Variants in TMEM163 observed in about 807,000 individuals in gnomAD.
TMEM163 encodes the protein transmembrane protein 163.
A neutral mutation model predicts 29.3 loss-of-function variants in TMEM163; 17 were observed. The observed-to-expected ratio is 0.58, with a 90% confidence interval of 0.40 to 0.87. The LOEUF is 0.87. Ranked by LOEUF, TMEM163 falls within the 40% of genes least tolerant of loss-of-function variation. The pLI, the probability that TMEM163 is intolerant of heterozygous loss-of-function variation, is 0.00. For missense variants in TMEM163, 303 were observed against 381.5 expected (o/e 0.79, Z 1.71); for synonymous variants, 157 against 160.6 (o/e 0.98, Z 0.17).
chr2:134,587,068 G>GA (rs11384847), intron 2 of TMEM163, among the ~76,000 whole-genome samples: 67,846 of 150,556 alleles, frequency 0.45, 16,111 homozygotes, highest in East Asian at 0.77. Context: ...TTAAAGTCCT[G>GA]AAAAAAAAAT....
chr2:134,648,620 G>A (rs756654470), intron 2 of TMEM163, among the ~76,000 whole-genome samples: 1 of 152,140 alleles, frequency 6.6e-6, no homozygotes, highest in Non-Finnish European at 1.5e-5. Flanking sequence ...TGGCAACAAC[G>A]AAAGATTGTT....
At chr2:134,466,072 T>G in intron 6 of TMEM163, 42 bp downstream of exon 6, 2 of 1,448,630 alleles carry the variant, frequency 1.4e-6, no homozygotes, top group Non-Finnish European at 1.9e-6. Flanking sequence ...TCCTCCACTG[T>G]GAGCCCAGCC....
intron 2 of TMEM163, among the ~76,000 whole-genome samples, chr2:134,682,668 C>A (rs1684271828): frequency 6.6e-6 from 1 of 152,326 alleles, no homozygotes; most frequent in Admixed American, 6.5e-5. Flanking sequence ...GGTGGAGCGA[C>A]AGGAACCCTC....
In TMEM163 at chr2:134,702,896, T is replaced by C. The variant is rs367655740; in HGVS notation, c.322+10304A>G. Among the ~76,000 whole-genome samples the C allele has an allele frequency of 5.3e-5, 8 of 152,258 alleles. No individual in the cohort carries two copies. In the East Asian group the frequency reaches 9.7e-4, roughly 18 times the overall value. On this transcript the variant is annotated intron_variant, in intron 2 of 7. Coordinates refer to ENST00000281924, the MANE Select transcript of TMEM163 (RefSeq NM_030923.5). ...ACAGCCCCCACCACAGCAGGTCCCA[T>C]GCAAAGGTGTAAGTTTCAGAAGATC...
chr2:134,565,408 C>T (rs990372548), intron 2 of TMEM163, among the ~76,000 whole-genome samples: 8 of 152,068 alleles, frequency 5.3e-5, no homozygotes, highest in African/African-American at 1.9e-4. Flanking sequence ...GAGTTCGAGA[C>T]CAGCCTGGCC....
At chr2:134,509,731 T>C (rs1027786708) in intron 4 of TMEM163, among the ~76,000 whole-genome samples, 5 of 152,132 alleles carry the variant, frequency 3.3e-5, no homozygotes, top group Admixed American at 3.3e-4. Flanking sequence ...GTCCATCACT[T>C]GTGAATGTGA....
chr2:134,519,457 A>AT (rs1343313106), intron 4 of TMEM163, among the ~76,000 whole-genome samples: 2 of 152,178 alleles, frequency 1.3e-5, no homozygotes, highest in Non-Finnish European at 2.9e-5. Flanking sequence ...CACGCCTGTA[A>AT]TCCCAGCACT....
intron 4 of TMEM163, 132 bp from the exon 5 acceptor site, chr2:134,503,129 CA>C (rs1679737071): frequency 2.6e-6 from 2 of 781,940 alleles, no homozygotes; most frequent in Non-Finnish European, 4.2e-6. Flanking sequence ...CCAGGGTGAC[CA>C]CCCACAGTCC....
intron 2 of TMEM163, among the ~76,000 whole-genome samples, chr2:134,678,024 A>G (rs1006895446): frequency 6.6e-6 from 1 of 152,142 alleles, no homozygotes; most frequent in Non-Finnish European, 1.5e-5. Context: ...GCCCAACACA[A>G]CCTGCAGTGC....
intron 2 of TMEM163, among the ~76,000 whole-genome samples, chr2:134,631,496 TG>T (rs137918294): frequency 6.6e-6 from 1 of 151,948 alleles, no homozygotes; most frequent in African/African-American, 2.4e-5. Context: ...AGACGTCCCC[TG>T]GGGGGTACTG....
intron 2 of TMEM163, among the ~76,000 whole-genome samples, chr2:134,562,742 A>G (rs1278054756): frequency 6.6e-6 from 1 of 152,232 alleles, no homozygotes; most frequent in African/African-American, 2.4e-5. Context: ...CAAGTTAAAC[A>G]TGGTGGAATA....
At chr2:134,616,197 G>C (rs548558765) in intron 2 of TMEM163, among the ~76,000 whole-genome samples, 1 of 152,076 alleles carries the variant, frequency 6.6e-6, no homozygotes, top group African/African-American at 2.4e-5. Context: ...CTTTCTGGAG[G>C]GCCAAAGAAT....
At chr2:134,651,895 T>C (rs1260927218) in intron 2 of TMEM163, among the ~76,000 whole-genome samples, 1 of 110,702 alleles carries the variant, frequency 9.0e-6, no homozygotes, top group Non-Finnish European at 1.8e-5. Context: ...TTCTGTTCCA[T>C]TGATCTATAT....
At chr2:134,638,107 T>C (rs547583250) in intron 2 of TMEM163, among the ~76,000 whole-genome samples, 1 of 152,356 alleles carries the variant, frequency 6.6e-6, no homozygotes, top group East Asian at 1.9e-4. Flanking sequence ...TTGTTTTGCC[T>C]CTCACCTTTT....
intron 2 of TMEM163, among the ~76,000 whole-genome samples, chr2:134,650,713 T>A (rs1338350942): frequency 9.6e-6 from 1 of 104,434 alleles, no homozygotes; most frequent in Non-Finnish European, 1.8e-5. Flanking sequence ...CCCACCACAG[T>A]CCCCAGAGTG....
chr2:134,459,365 C>T (rs926108011), intron 6 of TMEM163: 2 of 108,942 alleles, frequency 1.8e-5, no homozygotes, highest in South Asian at 3.7e-4. Flanking sequence ...CTCAGGACAC[C>T]GAGGTTTGGT....
intron 2 of TMEM163, among the ~76,000 whole-genome samples, chr2:134,566,253 T>A (rs1681298134): frequency 6.6e-6 from 1 of 152,128 alleles, no homozygotes; most frequent in Admixed American, 6.6e-5. Flanking sequence ...AAAATGAAGA[T>A]CCGTCCCATT....
At chr2:134,619,616 C>T (rs1316783365) in intron 2 of TMEM163, among the ~76,000 whole-genome samples, 1 of 152,110 alleles carries the variant, frequency 6.6e-6, no homozygotes, top group Non-Finnish European at 1.5e-5. Context: ...CTAAATAATA[C>T]CTAACAGTTA....
intron 2 of TMEM163, among the ~76,000 whole-genome samples, chr2:134,640,089 C>G (rs1252479918): frequency 1.3e-5 from 2 of 152,096 alleles, no homozygotes; most frequent in Admixed American, 1.3e-4. Flanking sequence ...AGTACCAGTT[C>G]TGCAATCAGT....
Sources: allele counts gnomAD v4.1 joint callset (sites outside exome capture counted in the v4.1 genomes callset), GRCh38; gene constraint gnomAD v4.1.1; transcripts MANE v1.5; gene names NCBI Gene and HGNC (gene_info 2026-07-23, HGNC 2026-07-21).